Variants in CRPPA observed in about 807,000 individuals in gnomAD.
The protein encoded by CRPPA is CDP-L-ribitol pyrophosphorylase A, also known as D-ribitol-5-phosphate cytidylyltransferase.
A neutral mutation model predicts 52.0 loss-of-function variants in CRPPA; 43 were observed. The ratio of observed to expected loss-of-function variants is 0.83; its 90% CI spans 0.65 to 1.07. CRPPA has a LOEUF of 1.07. Ranked by LOEUF, CRPPA falls within the 50% of genes least tolerant of loss-of-function variation. The probability of loss-of-function intolerance (pLI) is 0.00; values close to 1 mark genes in which losing one functional copy is unlikely to be tolerated. For missense variants in CRPPA, 629 were observed against 551.7 expected, an observed-to-expected ratio of 1.14 and a Z score of -1.40; for synonymous variants, 250 against 203.5, an observed-to-expected ratio of 1.23 and a Z score of -1.94.
chr7:16,165,868 A>C (rs1403778515), intron 9 of CRPPA, among the ~76,000 whole-genome samples: 2 of 152,240 alleles, frequency 1.3e-5, no homozygotes, highest in Admixed American at 6.5e-5. Flanking sequence ...ATAACACTTC[A>C]TAACCCTTTT....
chr7:16,350,354 C>T (rs561704579), intron 3 of CRPPA, among the ~76,000 whole-genome samples: 7 of 152,036 alleles, frequency 4.6e-5, no homozygotes, highest in African/African-American at 9.6e-5. Context: ...AACACTAATA[C>T]GGTAATGGCA....
chr7:16,292,161 T>A (rs1337432231), intron 5 of CRPPA, among the ~76,000 whole-genome samples: 2 of 151,948 alleles, frequency 1.3e-5, no homozygotes, highest in African/African-American at 4.8e-5. Flanking sequence ...TTAACAATAC[T>A]CTCTTAACCG....
At chr7:16,420,282 A>G (rs1788294817) in intron 1 of CRPPA, among the ~76,000 whole-genome samples, 1 of 152,198 alleles carries the variant, frequency 6.6e-6, no homozygotes. Context: ...TAGCAAAATT[A>G]TGTGGATATT....
intron 8 of CRPPA, among the ~76,000 whole-genome samples, chr7:16,257,978 T>G (rs1004169893): frequency 6.6e-6 from 1 of 152,072 alleles, no homozygotes; most frequent in Non-Finnish European, 1.5e-5. Context: ...ACAGAGAAAA[T>G]GAAACAACCC....
chr7:16,142,194 T>C (rs969448224), intron 9 of CRPPA, among the ~76,000 whole-genome samples: 4 of 152,056 alleles, frequency 2.6e-5, no homozygotes, highest in African/African-American at 9.7e-5. Flanking sequence ...GCAAAATAAT[T>C]TTCTTCTTTT....
chr7:16,239,928 T>A (rs1193575605), intron 8 of CRPPA, among the ~76,000 whole-genome samples: 1 of 152,150 alleles, frequency 6.6e-6, no homozygotes, highest in Admixed American at 6.6e-5. Context: ...CACACATTGC[T>A]TCAGAATTCC....
At chr7:16,104,639 G>A (rs1376792717) in intron 9 of CRPPA, among the ~76,000 whole-genome samples, 4 of 152,162 alleles carry the variant, frequency 2.6e-5, no homozygotes, top group Admixed American at 1.3e-4. Flanking sequence ...AGTGGCTCAC[G>A]CCTGTAATCC....
chr7:16,258,559 A>G, intron 7 of CRPPA, 77 bp from the exon 8 acceptor site: 1 of 786,308 alleles, frequency 1.3e-6, no homozygotes, highest in Non-Finnish European at 2.0e-6. Context: ...GAATAAATGG[A>G]GAGATTCTGC....
At chr7:16,304,519 T>C (rs1387287153) in intron 4 of CRPPA, among the ~76,000 whole-genome samples, 4 of 152,106 alleles carry the variant, frequency 2.6e-5, no homozygotes, top group Non-Finnish European at 5.9e-5. Context: ...CAGGCACCTA[T>C]AGTCCTAGCT....
chr7:16,351,180 T>C (rs1323035767), intron 3 of CRPPA, among the ~76,000 whole-genome samples: 1 of 152,098 alleles, frequency 6.6e-6, no homozygotes, highest in African/African-American at 2.4e-5. Flanking sequence ...ATTTAATAAA[T>C]GGTACTGGGA....
chr7:16,332,116 G>T (rs1422806950), intron 3 of CRPPA, among the ~76,000 whole-genome samples: 1 of 152,126 alleles, frequency 6.6e-6, no homozygotes, highest in African/African-American at 2.4e-5. Context: ...AATTACATCT[G>T]TCTTCTCACA....
intron 8 of CRPPA, among the ~76,000 whole-genome samples, chr7:16,223,864 G>C (rs997552441): frequency 1.3e-5 from 2 of 151,540 alleles, no homozygotes; most frequent in African/African-American, 4.8e-5. Context: ...TTTGCTTATA[G>C]ATACACATCA....
chr7:16,308,907 A>G (rs117659137), intron 3 of CRPPA, among the ~76,000 whole-genome samples: 676 of 152,342 alleles, frequency 4.4e-3, no homozygotes, highest in Non-Finnish European at 6.8e-3. Context: ...AAAAAATGTA[A>G]TACTTTGTTT....
intron 3 of CRPPA, among the ~76,000 whole-genome samples, chr7:16,324,904 G>A (rs762005423): frequency 3.3e-5 from 5 of 152,030 alleles, no homozygotes; most frequent in Non-Finnish European, 4.4e-5. Context: ...TTGAGTACTC[G>A]CCCTGTCCTC....
intron 5 of CRPPA, among the ~76,000 whole-genome samples, chr7:16,284,131 G>A (rs1377130472): frequency 3.3e-5 from 5 of 151,788 alleles, no homozygotes; most frequent in African/African-American, 1.2e-4. Context: ...ACAAATCAAG[G>A]GCAAGGAGAT....
chr7:16,209,918 C>G (rs2128395907), intron 9 of CRPPA, among the ~76,000 whole-genome samples: 1 of 152,272 alleles, frequency 6.6e-6, no homozygotes, highest in Non-Finnish European at 1.5e-5. Context: ...TGAAGATGCC[C>G]ATTTCAATAT....
chr7:16,290,327 T>A (rs887933005), intron 5 of CRPPA, among the ~76,000 whole-genome samples: 1 of 149,910 alleles, frequency 6.7e-6, no homozygotes, highest in East Asian at 2.0e-4. Flanking sequence ...GGAACCACAA[T>A]AGATCCCAAA....
chr7:16,329,151 A>G (rs913286392), intron 3 of CRPPA, among the ~76,000 whole-genome samples: 3 of 152,206 alleles, frequency 2.0e-5, no homozygotes, highest in Non-Finnish European at 4.4e-5. Context: ...TTTTAGTTAC[A>G]GATTATATCC....
chr7:16,408,012 G>A (rs941715814), intron 1 of CRPPA, among the ~76,000 whole-genome samples: 2 of 151,612 alleles, frequency 1.3e-5, no homozygotes, highest in African/African-American at 4.9e-5. Context: ...AGAGGCTGAG[G>A]CAAGAGAATC....
Sources: gnomAD v4.1 joint callset for allele counts (sites outside exome capture counted in the v4.1 genomes callset) on GRCh38, gnomAD v4.1.1 for gene constraint, MANE v1.5 for transcripts, NCBI Gene and HGNC (gene_info 2026-07-23, HGNC 2026-07-21) for gene names.